CCDC91: variants seen among roughly 807,000 people sequenced by gnomAD.
CCDC91 encodes coiled-coil domain containing 91, also known as coiled-coil domain-containing protein 91.
A neutral mutation model predicts 63.2 loss-of-function variants in CCDC91; 48 were observed. That is an observed-to-expected ratio of 0.76 (90% CI 0.60 to 0.97). CCDC91 has a LOEUF of 0.97. Among genes scored for constraint, CCDC91 ranks in the 50% least tolerant of loss-of-function variants. The pLI, the probability that CCDC91 is intolerant of heterozygous loss-of-function variation, is 0.00. For synonymous variants in CCDC91, 167 were observed against 165.8 expected (o/e 1.01, Z -0.06); for missense variants, 500 against 494.6 (o/e 1.01, Z -0.10).
chr12:28,464,853 G>A lies in CCDC91; in HGVS notation c.1101+12199G>A, dbSNP rs929885355. On this transcript the variant is annotated intron_variant, in intron 11 of 12. Transcript: ENST00000536442. ...ACTTTGGCACCTCAGATACTAGCTCGGTCTCAGTGGGGTAGAGCACCAAGT... is the reference window on the plus strand; with the variant it reads ...ACTTTGGCACCTCAGATACTAGCTCAGTCTCAGTGGGGTAGAGCACCAAGT... Among the ~76,000 whole-genome samples, 7 of 152,206 alleles carry A rather than the reference G, an allele frequency of 4.6e-5. No homozygotes were observed. The East Asian group carries it at 7.7e-4, about 17-fold the overall frequency.
At chr12:28,454,290 C>A (rs559263328) in intron 11 of CCDC91, among the ~76,000 whole-genome samples, 1 of 152,264 alleles carries the variant, frequency 6.6e-6, no homozygotes, top group Admixed American at 6.5e-5. Context: ...CACTGACTGG[C>A]CTTGTACTGG....
chr12:28,320,714 A>T (rs1173889644), intron 6 of CCDC91, among the ~76,000 whole-genome samples: 1 of 151,962 alleles, frequency 6.6e-6, no homozygotes, highest in African/African-American at 2.4e-5. Context: ...AAAAGAGAAA[A>T]GATACATTTG....
intron 1 of CCDC91, among the ~76,000 whole-genome samples, chr12:28,223,590 T>G (rs1328894399): frequency 6.6e-6 from 1 of 152,196 alleles, no homozygotes; most frequent in African/African-American, 2.4e-5. Context: ...CTTTCTCTTT[T>G]GAAACTTACC....
chr12:28,270,305 TACTTAA>T (rs1947670227), intron 3 of CCDC91, among the ~76,000 whole-genome samples: 1 of 152,096 alleles, frequency 6.6e-6, no homozygotes, highest in Admixed American at 6.6e-5. Flanking sequence ...GGGAAGGTAT[TACTTAA>T]ACTTAATCCT....
chr12:28,367,735 G>A (rs1490629707), intron 7 of CCDC91, among the ~76,000 whole-genome samples: 1 of 152,054 alleles, frequency 6.6e-6, no homozygotes, highest in Non-Finnish European at 1.5e-5. Flanking sequence ...CTGGGCAATG[G>A]TTTCTAGATA....
At chr12:28,387,926 T>C (rs1390054758) in intron 7 of CCDC91, among the ~76,000 whole-genome samples, 1 of 152,214 alleles carries the variant, frequency 6.6e-6, no homozygotes, top group Non-Finnish European at 1.5e-5. Context: ...CTGGATCAGA[T>C]GGTATTTCCA....
chr12:28,539,134 G>T (rs113955112), intron 12 of CCDC91, among the ~76,000 whole-genome samples: 4 of 152,194 alleles, frequency 2.6e-5, no homozygotes, highest in African/African-American at 9.6e-5. Flanking sequence ...TGTCAATTTT[G>T]GCTTTTGTTG....
At chr12:28,232,355 T>C (rs1944654826) in intron 1 of CCDC91, among the ~76,000 whole-genome samples, 1 of 152,140 alleles carries the variant, frequency 6.6e-6, no homozygotes, top group African/African-American at 2.4e-5. Flanking sequence ...TCTAATTACT[T>C]GTCTGAATTG....
At chr12:28,341,771 G>A (rs1942441526) in intron 6 of CCDC91, among the ~76,000 whole-genome samples, 2 of 152,138 alleles carry the variant, frequency 1.3e-5, no homozygotes, top group South Asian at 4.1e-4. Context: ...GTAAAAGGAG[G>A]CTGAGAATGC....
chr12:28,518,783 C>T (rs755683818), intron 12 of CCDC91, among the ~76,000 whole-genome samples: 2 of 151,926 alleles, frequency 1.3e-5, no homozygotes, highest in Non-Finnish European at 2.9e-5. Flanking sequence ...TTTATAGTTT[C>T]AGGTCTTAGG....
intron 5 of CCDC91, among the ~76,000 whole-genome samples, chr12:28,307,285 C>T (rs11049519): frequency 0.14 from 21,562 of 151,916 alleles, 2,012 homozygotes; most frequent in Non-Finnish European, 0.21. Flanking sequence ...AGTTAGGCAT[C>T]ACAGGATATT....
intron 1 of CCDC91, among the ~76,000 whole-genome samples, chr12:28,251,129 G>A (rs916285844): frequency 6.6e-6 from 1 of 152,042 alleles, no homozygotes; most frequent in Non-Finnish European, 1.5e-5. Context: ...GAGGATGTTA[G>A]CAAGTAGTTT....
At chr12:28,245,322 GA>G (rs955926278) in intron 1 of CCDC91, among the ~76,000 whole-genome samples, 8 of 150,174 alleles carry the variant, frequency 5.3e-5, no homozygotes, top group East Asian at 3.9e-4. Flanking sequence ...TCCATATCAG[GA>G]AAAAAAAAGA....
At chr12:28,387,817 T>G (rs1945698427) in intron 7 of CCDC91, among the ~76,000 whole-genome samples, 1 of 152,204 alleles carries the variant, frequency 6.6e-6, no homozygotes, top group South Asian at 2.1e-4. Flanking sequence ...GGTTCCACAT[T>G]TTTGCAATTG....
At chr12:28,434,571 A>G (rs959808645) in intron 8 of CCDC91, among the ~76,000 whole-genome samples, 6 of 86,132 alleles carry the variant, frequency 7.0e-5, no homozygotes, top group Non-Finnish European at 1.2e-4. Context: ...CAGTTTTCTT[A>G]TTAGGCCTTA....
chr12:28,228,501 A>T (rs1047559817), intron 1 of CCDC91, among the ~76,000 whole-genome samples: 2 of 152,094 alleles, frequency 1.3e-5, no homozygotes, highest in Non-Finnish European at 2.9e-5. Context: ...CGAATACAGA[A>T]TTCTTATCGA....
At chr12:28,259,855 T>A (rs1946714219) in intron 3 of CCDC91, among the ~76,000 whole-genome samples, 1 of 151,912 alleles carries the variant, frequency 6.6e-6, no homozygotes, top group Non-Finnish European at 1.5e-5. Flanking sequence ...TTAAAAATAT[T>A]GAAAATTAAA....
At position 28,293,729 on chromosome 12, in the gene CCDC91, T is replaced by G. The variant is rs1949385135; in HGVS notation, c.110-11920T>G. On this transcript the variant is annotated intron_variant, in intron 3 of 12. Transcript: ENST00000536442. ...TCTGTAGTCTGTTTCCTTGTCTGTA[T>G]TTTTTTTTTTATTCCAGGAGATGGG... Among the ~76,000 whole-genome samples, 5 of 147,144 alleles carry G rather than the reference T, an allele frequency of 3.4e-5. No homozygotes were observed. In the South Asian group the frequency reaches 1.1e-3, roughly 31 times the overall value.
intron 12 of CCDC91, among the ~76,000 whole-genome samples, chr12:28,525,605 C>CT (rs1245097222): frequency 6.6e-6 from 1 of 152,020 alleles, no homozygotes; most frequent in Non-Finnish European, 1.5e-5. Context: ...CTGTAAATAT[C>CT]TGTTAAGTCT....
Sources: allele counts gnomAD v4.1 joint callset (sites outside exome capture counted in the v4.1 genomes callset), GRCh38; gene constraint gnomAD v4.1.1; transcripts MANE v1.5; gene names NCBI Gene and HGNC (gene_info 2026-07-23, HGNC 2026-07-21).